The following LTBP4 variants were observed in gnomAD, a reference collection of about 807,000 sequenced individuals.
The protein encoded by LTBP4 is latent-transforming growth factor beta-binding protein 4.
Under a neutral mutation model 180.2 loss-of-function variants are expected in LTBP4, and 93 were observed. That is an observed-to-expected ratio of 0.52 (90% CI 0.44 to 0.61). The LOEUF (loss-of-function observed/expected upper bound fraction) is 0.61. Ranked by LOEUF, LTBP4 falls within the 20% of genes least tolerant of loss-of-function variation. The pLI is 0.00. For synonymous variants in LTBP4, 947 were observed against 934.5 expected (o/e 1.01, Z -0.24); for missense variants, 2,116 against 2,256.5 (o/e 0.94, Z 1.26).
rs541410679 is a variant in LTBP4 at position 40,622,377 on chromosome 19, G to A, written c.3218-24G>A. Reference sequence around the variant, plus strand: ...GGGGCTGGGGATTCAGCCCACACTGGGCTAAAGCTCCTTGTCTCCCCAGGC... The same window carrying A: ...GGGGCTGGGGATTCAGCCCACACTGAGCTAAAGCTCCTTGTCTCCCCAGGC... On this transcript the variant is annotated intron_variant, in intron 22 of 29. Transcript: ENST00000396819. This position sits in a 1 kb window ranked among gnomAD's most constrained non-coding sequence, Gnocchi z 5.1. The A allele has an allele frequency of 1.3e-6, 2 of 1,485,040 alleles. No homozygotes were observed. 92.0% of individuals were successfully genotyped at this position (1,485,040 alleles called of 1,614,324 possible).
Position 40,622,854 on chromosome 19 carries a change from C to G in LTBP4, c.3485-96C>G. On this transcript the variant is annotated intron_variant, in intron 23 of 29. Transcript: ENST00000396819. This position sits in a 1 kb window ranked among gnomAD's most constrained non-coding sequence, Gnocchi z 5.1. The stretch of plus-strand genomic sequence containing the variant: ...GCTGAGAGGTGGGCACTAACAGGCA[C>G]AGGGCCAGAGGGACTTTTGTGACAA... 2.1e-6 allele frequency: 3 copies of G among 1,425,460 alleles called. No homozygotes were observed. The East Asian group carries it at 7.2e-5, about 34-fold the overall frequency. The allele number at this position is 1,425,460 out of a possible 1,614,324, so 88.3% of individuals were successfully genotyped here.
chr19:40,608,120 T>TCCA (rs1318641381), intron 7 of LTBP4, 100 bp from the exon 8 acceptor site: 1 of 1,348,098 alleles, frequency 7.4e-7, no homozygotes, highest in Non-Finnish European at 1.0e-6. Flanking sequence ...CCTGACACTC[T>TCCA]CCAGCCAAGC....
chr19:40,610,369 T>C, intron 11 of LTBP4, 163 bp from the exon 12 acceptor site: 1 of 763,932 alleles, frequency 1.3e-6, no homozygotes, highest in Non-Finnish European at 2.1e-6. Flanking sequence ...CCCTCCACAA[T>C]TGCCTCTCTC....
chr19:40,610,418 C>T, intron 11 of LTBP4, 114 bp from the exon 12 acceptor site: 1 of 1,310,588 alleles, frequency 7.6e-7, no homozygotes, highest in South Asian at 1.4e-5. Flanking sequence ...GGGTCCCCAT[C>T]CTGGCTCTGG....
intron 4 of LTBP4, 84 bp from the exon 5 acceptor site, chr19:40,606,149 C>A: frequency 3.2e-6 from 4 of 1,250,458 alleles, no homozygotes; most frequent in Non-Finnish European, 4.6e-6. Context: ...ATCTTTTAGT[C>A]CCTCCCACCC....
chr19:40,613,726 T>C lies in LTBP4; in HGVS notation c.2558-190T>C. The C allele has an allele frequency of 8.2e-7, 1 of 1,215,190 alleles. No homozygotes were observed. The highest frequency in any genetic ancestry group is 2.0e-5 in the Admixed American group (1 of 49,894). The allele number at this position is 1,215,190 out of a possible 1,614,324, so 75.3% of individuals were successfully genotyped here. A position where few individuals can be genotyped will look rare whatever the true frequency, so the allele number is the denominator to read the frequency against. On this transcript the variant is annotated intron_variant, in intron 17 of 29. Transcript: ENST00000396819. This position sits in a 1 kb window ranked among gnomAD's most constrained non-coding sequence, Gnocchi z 5.0. The stretch of plus-strand genomic sequence containing the variant: ...AGATGAAAGGGCCGAGTCTGGGTAT[T>C]TGGACCGTGATTGTAAAGAAGCTGT...
In LTBP4 at chr19:40,623,620, G is replaced by A; in HGVS notation, c.3573G>A (p.Gln1191=). The part of the protein sequence containing the change: ...LSLRRDVDEC[Q]LFRDQVCKSG... ...TTCGCACAGACGTGGACGAATGTCAGCTCTTCCGAGACCAGGTGTGCAAGA... is the reference window on the plus strand; with the variant it reads ...TTCGCACAGACGTGGACGAATGTCAACTCTTCCGAGACCAGGTGTGCAAGA... Residue 1191 remains glutamine (Q), a synonymous_variant, in exon 25 of 30, where the codon CAG becomes CAA. Transcript: ENST00000396819. 6.2e-7 allele frequency: 1 copy of A among 1,613,590 alleles called. No homozygotes were observed. Among genetic ancestry groups the A allele is most frequent in the Non-Finnish European group, 8.5e-7 (1 of 1,179,792 alleles).
At position 40,601,410 on chromosome 19, in the gene LTBP4, T is replaced by C; in HGVS notation, c.23T>C (p.Leu8Pro). MAGGVRL[L>P]WVSLLVLLAQ... is the part of the protein sequence containing the mutation. The stretch of plus-strand genomic sequence containing the variant: ...GCCATGGCGGGCGGCGTGCGGCTGC[T>C]CTGGGTGTCGCTATTGGTGCTGCTG... Residue 8 changes from leucine (L) to proline (P), a missense_variant, in exon 1 of 30, where the codon CTC (leucine) becomes CCC (proline). Coordinates refer to ENST00000396819, the MANE Select transcript of LTBP4 (RefSeq NM_001042545.2). 7.2e-7 allele frequency: 1 copy of C among 1,390,010 alleles called. No individual in the cohort carries two copies. Among genetic ancestry groups the C allele is most frequent in the South Asian group, 1.5e-5 (1 of 65,940 alleles). The allele number at this position is 1,390,010 out of a possible 1,614,324, so 86.1% of individuals were successfully genotyped here.
chr19:40,628,289 C>G (rs1022725435), intron 29 of LTBP4, among the ~76,000 whole-genome samples: 11 of 152,124 alleles, frequency 7.2e-5, no homozygotes, highest in Non-Finnish European at 1.5e-4. Context: ...GCCTGTAATC[C>G]CAGCACTTTG....
At position 40,605,724 on chromosome 19, in the gene LTBP4, C is replaced by T. The variant is rs2081456062; in HGVS notation, c.691-5C>T. 5 of 1,546,594 alleles carry T rather than the reference C, an allele frequency of 3.2e-6. No homozygotes were observed. The highest frequency in any genetic ancestry group is 1.4e-5 in the African/African-American group (1 of 73,004). Reference sequence around the variant, plus strand: ...GGGGCGCGCTCACCCAACACTTCCCCGCAGTGCGCGTCCCCGCTGCCCGGG... The same window carrying T: ...GGGGCGCGCTCACCCAACACTTCCCTGCAGTGCGCGTCCCCGCTGCCCGGG... On this transcript the variant is annotated splice_region_variant and splice_polypyrimidine_tract_variant and intron_variant, in intron 3 of 29. Transcript: ENST00000396819. This position sits in a 1 kb window ranked among gnomAD's most constrained non-coding sequence, Gnocchi z 5.5.
At chr19:40,599,285 G>T, upstream of LTBP4, 2 of 1,613,804 alleles carry the variant, frequency 1.2e-6, no homozygotes, top group South Asian at 1.1e-5. Context: ...GTATGAGTAG[G>T]GGGCAAAAGG....
chr19:40,601,926 T>C (rs1391887613), intron 1 of LTBP4, among the ~76,000 whole-genome samples: 1 of 151,542 alleles, frequency 6.6e-6, no homozygotes, highest in African/African-American at 2.4e-5. Flanking sequence ...ATCTCAGAAT[T>C]GAGGGGCCTG....
At position 40,603,992 on chromosome 19, in the gene LTBP4, C is replaced by G. The variant is rs555407869; in HGVS notation, c.251-1043C>G. On this transcript the variant is annotated intron_variant, in intron 1 of 29. Transcript: ENST00000396819. ...GCAGAGGGGAGTGGAGGCGCGTTCC[C>G]GCTCGTGGCTCCGCCCCGGTGCTAC... is the stretch of plus-strand genomic sequence containing the variant. Among the ~76,000 whole-genome samples the G allele has an allele frequency of 2.0e-5, 3 of 152,364 alleles. No individual in the cohort carries two copies. In the East Asian group the frequency reaches 5.8e-4, roughly 29 times the overall value.
chr19:40,621,297 C>G (rs2081584893), intron 22 of LTBP4, among the ~76,000 whole-genome samples: 1 of 152,082 alleles, frequency 6.6e-6, no homozygotes, highest in African/African-American at 2.4e-5. Flanking sequence ...CTAGTGGTCC[C>G]CAGCAACTAT....
intron 6 of LTBP4, 151 bp from the exon 7 acceptor site, chr19:40,607,214 C>A (rs2081469241): frequency 1.4e-6 from 1 of 692,474 alleles, no homozygotes; most frequent in East Asian, 2.7e-5. Flanking sequence ...CCACTGCTCT[C>A]CTTCAGACCC....
At chr19:40,606,120 C>A (rs2081459342) in intron 4 of LTBP4, 113 bp from the exon 5 acceptor site, 4 of 1,014,568 alleles carry the variant, frequency 3.9e-6, no homozygotes, top group South Asian at 2.8e-5. Context: ...GCTGTCCCTG[C>A]ACTTAAACTA....
intron 6 of LTBP4, 99 bp downstream of exon 6, chr19:40,606,625 A>G: frequency 6.9e-7 from 1 of 1,441,808 alleles, no homozygotes; most frequent in Non-Finnish European, 9.3e-7. Flanking sequence ...ACCCCCCCAG[A>G]CTCCCGGGTT....
At chr19:40,617,373 G>T in intron 21 of LTBP4, 148 bp downstream of exon 21, 14 of 1,168,108 alleles carry the variant, frequency 1.2e-5, no homozygotes, top group Non-Finnish European at 1.5e-5. Context: ...GCCAGGCACG[G>T]TGGCTCACGC....
chr19:40,616,480 C>T (rs1046694860), intron 19 of LTBP4, among the ~76,000 whole-genome samples: 1 of 151,378 alleles, frequency 6.6e-6, no homozygotes, highest in Non-Finnish European at 1.5e-5. Context: ...CACCTGTAAT[C>T]CTAGGACTTG....
Sources: allele counts gnomAD v4.1 joint callset (sites outside exome capture counted in the v4.1 genomes callset), GRCh38; gene constraint gnomAD v4.1.1; non-coding constraint Gnocchi (gnomAD v3.1); transcripts MANE v1.5; gene names NCBI Gene and HGNC (gene_info 2026-07-23, HGNC 2026-07-21).